The following SPNS3 variants were observed in gnomAD, a reference collection of about 807,000 sequenced individuals.
SPNS3 encodes SPNS lysolipid transporter 3, sphingosine-1-phosphate (putative), also known as protein spinster homolog 3.
A neutral mutation model predicts 54.4 loss-of-function variants in SPNS3; 51 were observed. The observed-to-expected ratio is 0.94, with a 90% CI of 0.75 to 1.18. The LOEUF (loss-of-function observed/expected upper bound fraction) is 1.18. Ranked by LOEUF, SPNS3 falls within the 50% of genes most tolerant of loss-of-function variation. The probability of loss-of-function intolerance (pLI) is 0.00; values close to 1 mark genes in which losing one functional copy is unlikely to be tolerated. For synonymous variants in SPNS3, 309 were observed against 294.7 expected (o/e 1.05, Z -0.50); for missense variants, 669 against 677.4 (o/e 0.99, Z 0.14).
intron 8 of SPNS3, among the ~76,000 whole-genome samples, chr17:4,467,831 A>T (rs1262616416): frequency 6.6e-6 from 1 of 152,042 alleles, no homozygotes; most frequent in Non-Finnish European, 1.5e-5. Context: ...ATGCCCGGCT[A>T]ATTTTTGTAT....
At chr17:4,457,774 C>T (rs563915422) in intron 8 of SPNS3, among the ~76,000 whole-genome samples, 6 of 152,284 alleles carry the variant, frequency 3.9e-5, no homozygotes, top group South Asian at 2.1e-4. Context: ...TGCAGCCTGG[C>T]GCATCTCTAG....
At chr17:4,482,749 C>T (rs1281102380) in intron 9 of SPNS3, among the ~76,000 whole-genome samples, 2 of 152,174 alleles carry the variant, frequency 1.3e-5, no homozygotes, top group African/African-American at 4.8e-5. Flanking sequence ...CTCCCGAAAC[C>T]TAGTCATGAG....
chr17:4,487,150 C>T (rs918950004), intron 11 of SPNS3, among the ~76,000 whole-genome samples: 14 of 120,712 alleles, frequency 1.2e-4, no homozygotes, highest in African/African-American at 2.7e-4. Flanking sequence ...CCAGCCTGGG[C>T]GACAGCAAGA....
intron 8 of SPNS3, among the ~76,000 whole-genome samples, chr17:4,473,418 G>C (rs1971909846): frequency 6.9e-6 from 1 of 145,252 alleles, no homozygotes; most frequent in Admixed American, 6.9e-5. Flanking sequence ...TTTTTAAAGA[G>C]AGAGAGTCTC....
At chr17:4,479,783 C>A (rs149720485) in intron 9 of SPNS3, among the ~76,000 whole-genome samples, 2 of 152,282 alleles carry the variant, frequency 1.3e-5, no homozygotes, top group African/African-American at 4.8e-5. Flanking sequence ...GGCTGTGTGG[C>A]CTTAGGCAAG....
At chr17:4,468,747 T>TTCTTTCTC (rs1971760572) in intron 8 of SPNS3, among the ~76,000 whole-genome samples, 1 of 142,880 alleles carries the variant, frequency 7.0e-6, no homozygotes, top group Non-Finnish European at 1.5e-5. Context: ...CTTTCTTTCT[T>TTCTTTCTC]TCTTTCTTTC....
intron 8 of SPNS3, among the ~76,000 whole-genome samples, chr17:4,472,698 G>A (rs1469744406): frequency 2.0e-5 from 3 of 147,524 alleles, no homozygotes; most frequent in Non-Finnish European, 4.5e-5. Flanking sequence ...GGGTTTTAGT[G>A]AATGGCTTTG....
In SPNS3 at chr17:4,446,787, G is replaced by A. The variant is rs1391708411; in HGVS notation, c.555-109G>A. ...AGTGAAACAGGTCTGAGCCTGCAGA[G>A]AGCCAGCTCCCTGGGGCGTGGGGGG... On this transcript the variant is annotated intron_variant, in intron 4 of 11. Transcript: ENST00000355530. The A allele has an allele frequency of 5.0e-6, 5 of 996,280 alleles. No homozygotes were observed. In the East Asian group the frequency reaches 9.7e-5, roughly 19 times the overall value. 61.7% of individuals were successfully genotyped at this position (996,280 alleles called of 1,614,324 possible).
intron 2 of SPNS3, 35 bp from the exon 3 acceptor site, chr17:4,444,997 G>A: frequency 6.2e-7 from 1 of 1,601,634 alleles, no homozygotes; most frequent in Non-Finnish European, 8.5e-7. Flanking sequence ...CACGGTCGTG[G>A]GGGGATCCAG....
At chr17:4,450,345 C>G (rs1323294658) in intron 7 of SPNS3, among the ~76,000 whole-genome samples, 9 of 78,806 alleles carry the variant, frequency 1.1e-4, no homozygotes, top group African/African-American at 4.9e-4. Context: ...CTCCCTCTCC[C>G]TCTCCCCTCC....
chr17:4,477,919 G>A (rs997838900), intron 8 of SPNS3, among the ~76,000 whole-genome samples: 35 of 150,852 alleles, frequency 2.3e-4, no homozygotes, highest in African/African-American at 8.1e-4. Context: ...GACAGCCTCC[G>A]AGTTGTCTTT....
chr17:4,451,345 G>A (rs1040263696), intron 7 of SPNS3, among the ~76,000 whole-genome samples: 9 of 151,360 alleles, frequency 5.9e-5, no homozygotes, highest in Non-Finnish European at 1.0e-4. Flanking sequence ...TCGGCCTCCC[G>A]GGTTCAAGCG....
At chr17:4,477,880 G>A (rs60407494) in intron 8 of SPNS3, among the ~76,000 whole-genome samples, 1 of 152,092 alleles carries the variant, frequency 6.6e-6, no homozygotes, top group South Asian at 2.1e-4. Flanking sequence ...CAGTGTATAC[G>A]GACTTTTGGG....
At chr17:4,464,354 A>G (rs1971621819) in intron 8 of SPNS3, among the ~76,000 whole-genome samples, 1 of 152,180 alleles carries the variant, frequency 6.6e-6, no homozygotes, top group Non-Finnish European at 1.5e-5. Context: ...GTTTGTGCTC[A>G]GAGGAGGGAC....
At chr17:4,485,431 CTT>C (rs925233973) in intron 9 of SPNS3, among the ~76,000 whole-genome samples, 22 of 147,772 alleles carry the variant, frequency 1.5e-4, no homozygotes, top group African/African-American at 5.5e-4. Context: ...GGATTTTGCT[CTT>C]GTTGCCCAGG....
intron 5 of SPNS3, among the ~76,000 whole-genome samples, chr17:4,447,348 C>T (rs1376374487): frequency 6.6e-6 from 1 of 152,194 alleles, no homozygotes; most frequent in Non-Finnish European, 1.5e-5. Flanking sequence ...TGAGGACTGG[C>T]AGCTAGGCTT....
chr17:4,457,590 G>A (rs1663902094), intron 8 of SPNS3, among the ~76,000 whole-genome samples: 1 of 152,204 alleles, frequency 6.6e-6, no homozygotes, highest in Non-Finnish European at 1.5e-5. Flanking sequence ...TGACCTCACA[G>A]GGAGGCTGGG....
At chr17:4,466,172 C>A (rs145967834) in intron 8 of SPNS3, among the ~76,000 whole-genome samples, 4 of 152,246 alleles carry the variant, frequency 2.6e-5, no homozygotes, top group Admixed American at 2.6e-4. Context: ...CTTTCCCAGA[C>A]GCTGTTCCAG....
chr17:4,472,867 C>T (rs941275610), intron 8 of SPNS3, among the ~76,000 whole-genome samples: 12 of 138,164 alleles, frequency 8.7e-5, no homozygotes, highest in African/African-American at 3.1e-4. Flanking sequence ...TGGCTCACTG[C>T]AGCCTCAACC....
Sources: allele counts gnomAD v4.1 joint callset (sites outside exome capture counted in the v4.1 genomes callset), GRCh38; gene constraint gnomAD v4.1.1; transcripts MANE v1.5; gene names NCBI Gene and HGNC (gene_info 2026-07-23, HGNC 2026-07-21).